Variants in HERC2 observed in about 807,000 individuals in gnomAD.
HERC2 encodes HECT and RLD domain containing E3 ubiquitin protein ligase 2, also known as E3 ubiquitin-protein ligase HERC2.
HERC2 carries 102 observed loss-of-function variants against 537.7 expected under a neutral mutation model. That is an observed-to-expected ratio of 0.19 (90% CI 0.16 to 0.22). HERC2 has a LOEUF of 0.22. Among genes scored for constraint, HERC2 ranks in the 10% least tolerant of loss-of-function variants. The pLI is 1.00. For synonymous variants in HERC2, 2,224 were observed against 2,466.2 expected, an observed-to-expected ratio of 0.90 and a Z score of 2.91; for missense variants, 4,236 against 6,198.2, an observed-to-expected ratio of 0.68 and a Z score of 10.63.
intron 4 of HERC2, among the ~76,000 whole-genome samples, chr15:28,290,125 G>A (rs150231377): frequency 1.3e-5 from 2 of 152,272 alleles, no homozygotes; most frequent in African/African-American, 2.4e-5. Flanking sequence ...AAATAATCAG[G>A]TACGGGTAAG....
At chr15:28,282,951 T>C (rs1172224723) in intron 4 of HERC2, among the ~76,000 whole-genome samples, 3 of 126,422 alleles carry the variant, frequency 2.4e-5, no homozygotes, top group Non-Finnish European at 4.7e-5. Flanking sequence ...CGGGAAGGGA[T>C]GGGAAGGGAC....
In HERC2 at chr15:28,265,766, G is replaced by A. The variant is rs114735992; in HGVS notation, c.1757-35C>T. Reference sequence around the variant, plus strand: ...GATAGGACGGCGGTTACTAAGTCCTGTAAGAGGCCACCTCCTGCTGCATGC... The same window carrying A: ...GATAGGACGGCGGTTACTAAGTCCTATAAGAGGCCACCTCCTGCTGCATGC... On this transcript the variant is annotated intron_variant, in intron 13 of 92. Coordinates refer to ENST00000261609, the MANE Select transcript of HERC2 (RefSeq NM_004667.6). The surrounding 1 kb of genome is among the most constrained non-coding windows in gnomAD (Gnocchi z 4.0). 597 of 1,613,920 alleles carry A rather than the reference G, an allele frequency of 3.7e-4. 1 individual carries two copies. In the African/African-American group the frequency reaches 6.9e-3, roughly 19 times the overall value.
At chr15:28,286,125 C>T (rs761178302) in intron 4 of HERC2, among the ~76,000 whole-genome samples, 1 of 152,050 alleles carries the variant, frequency 6.6e-6, no homozygotes, top group Non-Finnish European at 1.5e-5. Flanking sequence ...GGACTCAAAA[C>T]AATCTCTTCT....
chr15:28,217,047 A>G (rs985737604), intron 38 of HERC2, among the ~76,000 whole-genome samples: 1 of 152,124 alleles, frequency 6.6e-6, no homozygotes, highest in Non-Finnish European at 1.5e-5. Context: ...TCGTGCTCAC[A>G]CTGACACAAG....
Position 28,265,841 on chromosome 15 carries a change from C to G in HERC2, c.1732G>C (p.Gly578Arg). 1.2e-6 allele frequency: 2 copies of G among 1,614,156 alleles called. No homozygotes were observed. Among genetic ancestry groups the G allele is most frequent in the Non-Finnish European group, 1.7e-6 (2 of 1,180,032 alleles). ...CCATGGCCCAGCCGGCCGTAGTTCC[C>G]GCGGCCCCAGGTGTACAGCTCCCCC... ...AEGELYTWGR[G>R]NYGRLGHGSS... The change falls in exon 13 of 93, where the codon GGG becomes CGG. Residue 578 changes from glycine (G) to arginine (R), a missense_variant. Transcript: ENST00000261609. The surrounding 1 kb of genome is among the most constrained non-coding windows in gnomAD (Gnocchi z 4.0).
chr15:28,305,865 G>A (rs1241161089), intron 2 of HERC2, among the ~76,000 whole-genome samples: 17 of 151,624 alleles, frequency 1.1e-4, no homozygotes, highest in South Asian at 2.1e-4. Context: ...AAAAGTGGGC[G>A]AAGGACATGA....
At chr15:28,208,025 G>C (rs1375929994) in intron 44 of HERC2, among the ~76,000 whole-genome samples, 1 of 152,198 alleles carries the variant, frequency 6.6e-6, no homozygotes, top group African/African-American at 2.4e-5. Context: ...TGCTGTCACT[G>C]CTCATTGGGC....
At chr15:28,279,633 A>G (rs1262275066) in intron 5 of HERC2, among the ~76,000 whole-genome samples, 1 of 151,514 alleles carries the variant, frequency 6.6e-6, no homozygotes, top group Non-Finnish European at 1.5e-5. Flanking sequence ...ACACACACAC[A>G]CACACACACA....
chr15:28,171,383 G>A (rs752784774), intron 65 of HERC2, among the ~76,000 whole-genome samples: 5 of 152,184 alleles, frequency 3.3e-5, no homozygotes, highest in African/African-American at 7.2e-5. Flanking sequence ...AGAGCTATAC[G>A]TTAAGAAGAT....
intron 2 of HERC2, among the ~76,000 whole-genome samples, chr15:28,306,957 T>C (rs2076806291): frequency 6.6e-6 from 1 of 152,148 alleles, no homozygotes; most frequent in Non-Finnish European, 1.5e-5. Flanking sequence ...GCCTCAGCCT[T>C]CCAAGTGGCT....
chr15:28,272,378 A>G lies in HERC2; in HGVS notation c.920T>C (p.Leu307Ser). The G allele has an allele frequency of 2.5e-6, 4 of 1,611,790 alleles. No homozygotes were observed. Among genetic ancestry groups the G allele is most frequent in the Non-Finnish European group, 3.4e-6 (4 of 1,178,728 alleles). The change falls in exon 9 of 93, where the codon TTG becomes TCG. Residue 307 changes from leucine to serine, a missense_variant. Around this residue, in one of 27 missense-constraint regions of HERC2, gnomAD observed 491 missense variants for 559.3 expected, o/e 0.88. Coordinates refer to ENST00000261609, the MANE Select transcript of HERC2 (RefSeq NM_004667.6). ...AVQRGTLSQM[L>S]SAILLLLQLW... ...CTGAAGCAACAACAGGATGGCAGAC[A>G]ACATTTGGCTAAAGGAGAAAAGATA...
Position 28,215,659 on chromosome 15 carries a change from C to T in HERC2, c.6172G>A (p.Gly2058Arg). ...GAGGTGGCAGTGAAGGGTGCGTGCC[C>T]TTCCACGACCTTCATGAGCAGCGTG... is the stretch of plus-strand genomic sequence containing the variant. ...WITLLMKVVEGHAPFTATSLQ... is the reference protein window; with the variant it reads ...WITLLMKVVERHAPFTATSLQ... Residue 2058 changes from glycine to arginine, a missense_variant, in exon 39 of 93, where the codon GGG becomes AGG. By Grantham distance (125) the Gly-to-Arg change is moderately radical. Coordinates refer to ENST00000261609, the MANE Select transcript of HERC2 (RefSeq NM_004667.6). The T allele has an allele frequency of 6.2e-7, 1 of 1,611,756 alleles. No individual in the cohort carries two copies. The highest frequency in any genetic ancestry group is 8.5e-7 in the Non-Finnish European group (1 of 1,179,694).
At chr15:28,162,277 A>T (rs1232818475) in intron 69 of HERC2, among the ~76,000 whole-genome samples, 1 of 152,228 alleles carries the variant, frequency 6.6e-6, no homozygotes, top group East Asian at 1.9e-4. Context: ...TGATCCTGGG[A>T]GGCTGAGATT....
chr15:28,189,163 G>A (rs1300617962), intron 55 of HERC2, among the ~76,000 whole-genome samples: 1 of 152,208 alleles, frequency 6.6e-6, no homozygotes, highest in Non-Finnish European at 1.5e-5. Flanking sequence ...TGGCTCCACA[G>A]GAATGGTACA....
intron 65 of HERC2, among the ~76,000 whole-genome samples, 168 bp from the exon 66 acceptor site, chr15:28,169,823 T>G (rs1424735276): frequency 6.6e-6 from 1 of 152,168 alleles, no homozygotes; most frequent in East Asian, 1.9e-4. Flanking sequence ...AGAAAACCAC[T>G]TATCCATACT....
At chr15:28,264,517 T>C (rs1458895762) in intron 14 of HERC2, among the ~76,000 whole-genome samples, 4 of 152,214 alleles carry the variant, frequency 2.6e-5, no homozygotes, top group Non-Finnish European at 4.4e-5. Context: ...GGTAGGATAC[T>C]TCTACTGTAA....
rs2076386647 is a variant in HERC2 at position 28,293,757 on chromosome 15, A to G, written c.188-735T>C. Among the ~76,000 whole-genome samples the G allele has an allele frequency of 5.3e-5, 8 of 152,336 alleles. No homozygotes were observed. The South Asian group carries it at 1.7e-3, about 32-fold the overall frequency. Reference sequence around the variant, plus strand: ...GGCCCTACTCCACTGCCAACTGGGAAGCACTGCTATGCAGAGGCACTGTGA... The same window carrying G: ...GGCCCTACTCCACTGCCAACTGGGAGGCACTGCTATGCAGAGGCACTGTGA... On this transcript the variant is annotated intron_variant, in intron 3 of 92. Coordinates refer to ENST00000261609, the MANE Select transcript of HERC2 (RefSeq NM_004667.6).
intron 39 of HERC2, 52 bp from the exon 40 acceptor site, chr15:28,214,854 A>C: frequency 7.1e-7 from 1 of 1,409,976 alleles, no homozygotes. Context: ...CTGATGAGGA[A>C]ACTACAGATT....
At chr15:28,146,019 C>T (rs1044525469) in intron 71 of HERC2, among the ~76,000 whole-genome samples, 6 of 152,214 alleles carry the variant, frequency 3.9e-5, no homozygotes, top group African/African-American at 1.4e-4. Flanking sequence ...GCCCATCCGA[C>T]AGGGATGTGG....
Sources: allele counts gnomAD v4.1 joint callset (sites outside exome capture counted in the v4.1 genomes callset), GRCh38; gene constraint gnomAD v4.1.1; regional missense constraint gnomAD v4.1.1; non-coding constraint Gnocchi (gnomAD v3.1); transcripts MANE v1.5; gene names NCBI Gene and HGNC (gene_info 2026-07-23, HGNC 2026-07-21).